EPHA6: variants seen among roughly 807,000 people sequenced by gnomAD.
EPHA6 encodes the protein ephrin type-A receptor 6.
Under a neutral mutation model 112.0 loss-of-function variants are expected in EPHA6, and 50 were observed. The observed-to-expected ratio is 0.45, with a 90% CI of 0.36 to 0.56. EPHA6 has a LOEUF of 0.56. Ranked by LOEUF, EPHA6 falls within the 20% of genes least tolerant of loss-of-function variation. EPHA6 has a pLI of 0.00. For synonymous variants in EPHA6, 529 were observed against 490.7 expected (o/e 1.08, Z -1.03); for missense variants, 1,280 against 1,417.4 (o/e 0.90, Z 1.56).
chr3:97,594,646 AT>A (rs965708949), intron 12 of EPHA6, among the ~76,000 whole-genome samples: 1 of 152,012 alleles, frequency 6.6e-6, no homozygotes, highest in Non-Finnish European at 1.5e-5. Context: ...ATTTCCCAAG[AT>A]TTTTTTTATA....
chr3:96,833,819 A>C (rs923404898), intron 1 of EPHA6, among the ~76,000 whole-genome samples: 1 of 152,016 alleles, frequency 6.6e-6, no homozygotes, highest in East Asian at 1.9e-4. Flanking sequence ...ATTTTAAAAT[A>C]TGCAATAAGT....
At chr3:96,815,056 C>G (rs1198758640) in intron 1 of EPHA6, 48 bp downstream of exon 1, 3 of 1,458,054 alleles carry the variant, frequency 2.1e-6, no homozygotes, top group Non-Finnish European at 2.7e-6. Context: ...GAGGAGGGTG[C>G]TTGGAGAACC....
At chr3:97,728,454 A>G (rs1403096819) in intron 15 of EPHA6, among the ~76,000 whole-genome samples, 2 of 152,128 alleles carry the variant, frequency 1.3e-5, no homozygotes, top group Admixed American at 6.6e-5. Flanking sequence ...GCTTTACTTT[A>G]CAAGGATATA....
chr3:97,274,449 C>A (rs1175518725), intron 5 of EPHA6, among the ~76,000 whole-genome samples: 1 of 152,134 alleles, frequency 6.6e-6, no homozygotes, highest in Non-Finnish European at 1.5e-5. Context: ...ATTAAACAGG[C>A]ATTAATGATG....
chr3:97,024,342 T>C (rs1186559363), intron 3 of EPHA6, among the ~76,000 whole-genome samples: 1 of 152,176 alleles, frequency 6.6e-6, no homozygotes, highest in African/African-American at 2.4e-5. Context: ...GTCTTTATTG[T>C]AGCTTGCTGT....
chr3:97,657,017 G>A (rs1382162372), intron 14 of EPHA6, among the ~76,000 whole-genome samples: 1 of 151,844 alleles, frequency 6.6e-6, no homozygotes, highest in South Asian at 2.1e-4. Context: ...ATACATAAAG[G>A]TAATGCTTTC....
intron 2 of EPHA6, among the ~76,000 whole-genome samples, chr3:96,870,089 A>G (rs979911315): frequency 2.6e-5 from 4 of 152,090 alleles, no homozygotes; most frequent in Non-Finnish European, 5.9e-5. Context: ...GGTTCTTTAG[A>G]GAAAAAGAAC....
intron 5 of EPHA6, among the ~76,000 whole-genome samples, chr3:97,314,001 C>A (rs2081686153): frequency 6.6e-6 from 1 of 151,304 alleles, no homozygotes; most frequent in Non-Finnish European, 1.5e-5. Context: ...CTTCTAATAC[C>A]ATTAGTTTCA....
At chr3:97,229,038 C>CTTTG (rs2078444835) in intron 4 of EPHA6, among the ~76,000 whole-genome samples, 1 of 152,116 alleles carries the variant, frequency 6.6e-6, no homozygotes, top group Non-Finnish European at 1.5e-5. Flanking sequence ...ATTGTCTATC[C>CTTTG]ATGTCCTTTG....
chr3:96,954,414 T>TTG (rs1328811927), intron 2 of EPHA6, among the ~76,000 whole-genome samples: 5 of 152,338 alleles, frequency 3.3e-5, no homozygotes, highest in African/African-American at 1.2e-4. Flanking sequence ...CACTGAGCCC[T>TTG]TGTCACACTG....
At chr3:97,412,018 G>T (rs1429974799) in intron 6 of EPHA6, among the ~76,000 whole-genome samples, 1 of 152,052 alleles carries the variant, frequency 6.6e-6, no homozygotes, top group Admixed American at 6.6e-5. Context: ...TTCAGAGGAG[G>T]AGGGCAGGAG....
intron 3 of EPHA6, among the ~76,000 whole-genome samples, chr3:97,181,188 C>G (rs144349030): frequency 2.5e-4 from 38 of 152,208 alleles, no homozygotes; most frequent in African/African-American, 8.9e-4. Flanking sequence ...TTGCTATGTC[C>G]TTTCTCCCCC....
chr3:97,473,841 T>C (rs967079979), intron 7 of EPHA6, among the ~76,000 whole-genome samples: 4 of 151,842 alleles, frequency 2.6e-5, no homozygotes, highest in African/African-American at 9.7e-5. Context: ...GATGCAACTA[T>C]TTAACTTGTC....
At chr3:97,450,231 CT>C in intron 7 of EPHA6, among the ~76,000 whole-genome samples, 1 of 151,994 alleles carries the variant, frequency 6.6e-6, no homozygotes, top group East Asian at 1.9e-4. Flanking sequence ...GTCTTTTTCA[CT>C]TTTTTTCCCC....
intron 3 of EPHA6, among the ~76,000 whole-genome samples, chr3:97,149,335 C>T (rs1490855244): frequency 2.0e-5 from 3 of 152,054 alleles, no homozygotes; most frequent in Admixed American, 6.6e-5. Flanking sequence ...GCTTGGCAAT[C>T]GTGTTTGTAC....
chr3:97,243,911 T>C, intron 4 of EPHA6, 41 bp from the exon 5 acceptor site: 1 of 1,426,330 alleles, frequency 7.0e-7, no homozygotes, highest in African/African-American at 1.4e-5. Flanking sequence ...TAATTCATTG[T>C]CCTATATATG....
intron 11 of EPHA6, among the ~76,000 whole-genome samples, chr3:97,589,865 T>C (rs2093527006): frequency 6.6e-6 from 1 of 152,222 alleles, no homozygotes; most frequent in Non-Finnish European, 1.5e-5. Context: ...ATTTTAGATT[T>C]CATTTACTTT....
At chr3:97,555,737 G>T (rs2093098114) in intron 11 of EPHA6, among the ~76,000 whole-genome samples, 1 of 152,116 alleles carries the variant, frequency 6.6e-6, no homozygotes, top group Non-Finnish European at 1.5e-5. Flanking sequence ...TTTGAGAAGT[G>T]TCTGTTCATA....
chr3:97,330,391 C>T (rs1273918480), intron 5 of EPHA6, among the ~76,000 whole-genome samples: 2 of 152,150 alleles, frequency 1.3e-5, no homozygotes, highest in African/African-American at 4.8e-5. Context: ...GGCATTGAAT[C>T]TATAAATTAC....
Sources: gnomAD v4.1 joint callset for allele counts (sites outside exome capture counted in the v4.1 genomes callset) on GRCh38, gnomAD v4.1.1 for gene constraint, MANE v1.5 for transcripts, NCBI Gene and HGNC (gene_info 2026-07-23, HGNC 2026-07-21) for gene names.